The following PCDHGA4 variants were observed in gnomAD, a reference collection of about 807,000 sequenced individuals.
PCDHGA4 encodes the protein protocadherin gamma-A4.
Under a neutral mutation model 54.6 loss-of-function variants are expected in PCDHGA4, and 38 were observed. The observed-to-expected ratio is 0.70, with a 90% CI of 0.54 to 0.91. The LOEUF (loss-of-function observed/expected upper bound fraction) is 0.91, where lower values mean the gene tolerates loss of function less well. PCDHGA4 is among the 40% of genes least tolerant of loss of function. The probability of loss-of-function intolerance (pLI) is 0.00; values close to 1 mark genes in which losing one functional copy is unlikely to be tolerated. For missense variants in PCDHGA4, 1,298 were observed against 1,220.9 expected (o/e 1.06, Z -0.94); for synonymous variants, 511 against 512.9 (o/e 1.00, Z 0.05).
chr5:141,414,404 T>A, intron 1 of PCDHGA4: 1 of 1,613,886 alleles, frequency 6.2e-7, no homozygotes, highest in Non-Finnish European at 8.5e-7. Context: ...AGATTGGTGA[T>A]ACACAGAGCC....
chr5:141,471,843 T>C (rs1471729261), intron 1 of PCDHGA4, among the ~76,000 whole-genome samples: 2 of 152,166 alleles, frequency 1.3e-5, no homozygotes, highest in Admixed American at 6.5e-5. Context: ...TTTAATAAAA[T>C]ATTCAGAAAA....
At chr5:141,413,406 G>A (rs2095636376) in intron 1 of PCDHGA4, 1 of 1,613,950 alleles carries the variant, frequency 6.2e-7, no homozygotes, top group Non-Finnish European at 8.5e-7. Context: ...GTAGGACGCA[G>A]CTTTTCTCTC....
At chr5:141,364,185 C>G (rs2149854630) in intron 1 of PCDHGA4, 1 of 992,250 alleles carries the variant, frequency 1.0e-6, no homozygotes, top group East Asian at 2.8e-5. Flanking sequence ...TCCCTCCATA[C>G]TAAACACACA....
rs73280911 is a variant in PCDHGA4, at chr5:141,446,356, A to C, written c.2515-48451A>C. Among the ~76,000 whole-genome samples the C allele has an allele frequency of 2.0e-5, 3 of 152,188 alleles. No individual in the cohort carries two copies. In the South Asian group the frequency reaches 6.2e-4, roughly 31 times the overall value. On this transcript the variant is annotated intron_variant, in intron 1 of 3. Transcript: ENST00000571252. ...ACTGGATGGACAAAGCTACCATTTGATGAGAATGGAAGACTAAAGAATGAT... is the reference window on the plus strand; with the variant it reads ...ACTGGATGGACAAAGCTACCATTTGCTGAGAATGGAAGACTAAAGAATGAT...
chr5:141,414,868 G>A (rs1346192710), intron 1 of PCDHGA4: 1 of 1,614,098 alleles, frequency 6.2e-7, no homozygotes, highest in African/African-American at 1.3e-5. Flanking sequence ...CAATGCGCCC[G>A]AGATCCTGTA....
Position 141,376,087 on chromosome 5 carries a change from C to G in PCDHGA4, c.2514+18466C>G, listed in dbSNP as rs1772268954. On this transcript the variant is annotated intron_variant, in intron 1 of 3. Coordinates refer to ENST00000571252, the MANE Select transcript of PCDHGA4 (RefSeq NM_018917.4). The stretch of plus-strand genomic sequence containing the variant: ...TCACCGTGGCCGTGGCCGACAGGAT[C>G]CCCGACATCCTGGCCGACCTGGGCA... 1 of 1,613,538 alleles carries G rather than the reference C, an allele frequency of 6.2e-7. No individual in the cohort carries two copies. The highest frequency in any genetic ancestry group is 8.5e-7 in the Non-Finnish European group (1 of 1,179,934).
chr5:141,409,171 C>G, intron 1 of PCDHGA4: 1 of 1,613,962 alleles, frequency 6.2e-7, no homozygotes, highest in South Asian at 1.1e-5. Flanking sequence ...AAGCGAAGGA[C>G]GGAGGTGGTC....
intron 1 of PCDHGA4, among the ~76,000 whole-genome samples, chr5:141,469,375 G>C (rs942714664): frequency 2.0e-5 from 3 of 152,076 alleles, no homozygotes; most frequent in African/African-American, 7.2e-5. Flanking sequence ...AAGAGATCGA[G>C]ACCATCCTGG....
chr5:141,482,109 C>G (rs972542276), intron 1 of PCDHGA4, among the ~76,000 whole-genome samples: 2 of 149,582 alleles, frequency 1.3e-5, no homozygotes, highest in African/African-American at 2.5e-5. Context: ...AAAAAAATAT[C>G]TAGAGATGGG....
At chr5:141,505,852 G>A (rs2099848673) in intron 3 of PCDHGA4, among the ~76,000 whole-genome samples, 1 of 152,140 alleles carries the variant, frequency 6.6e-6, no homozygotes, top group African/African-American at 2.4e-5. Context: ...TAGAAAGTGG[G>A]GACAGGGACC....
intron 1 of PCDHGA4, among the ~76,000 whole-genome samples, chr5:141,459,724 T>C (rs1440632046): frequency 6.6e-6 from 1 of 152,250 alleles, no homozygotes; most frequent in Non-Finnish European, 1.5e-5. Context: ...TGCTTCCTAT[T>C]GTCAATTTTT....
Position 141,489,195 on chromosome 5 carries a change from A to G in PCDHGA4, c.2515-5612A>G, listed in dbSNP as rs200660227. ...ATTCCAAGCCCTGGGTCTACCTTGG[A>G]GACAGGACAGCACAGACTTACTCTC... is the stretch of plus-strand genomic sequence containing the variant. On this transcript the variant is annotated intron_variant, in intron 1 of 3. Transcript: ENST00000571252. This position sits in a 1 kb window ranked among gnomAD's most constrained non-coding sequence, Gnocchi z 4.5. 1.8e-5 allele frequency: 25 copies of G among 1,383,116 alleles called. No individual in the cohort carries two copies. The East Asian group carries it at 4.8e-4, about 27-fold the overall frequency. 85.7% of individuals were successfully genotyped at this position (1,383,116 alleles called of 1,614,324 possible). A position where few individuals can be genotyped will look rare whatever the true frequency, so the allele number is the denominator to read the frequency against.
At chr5:141,436,384 CT>C (rs768914860) in intron 1 of PCDHGA4, among the ~76,000 whole-genome samples, 1 of 152,104 alleles carries the variant, frequency 6.6e-6, no homozygotes, top group Non-Finnish European at 1.5e-5. Context: ...GCTGAATAGG[CT>C]TTATTAAATA....
At chr5:141,365,599 C>T (rs368039042) in intron 1 of PCDHGA4, 3 of 1,613,520 alleles carry the variant, frequency 1.9e-6, no homozygotes, top group Admixed American at 1.7e-5. Flanking sequence ...TCACTTTAAC[C>T]GTCATGGACC....
rs761468303 is a variant in PCDHGA4 at position 141,421,659 on chromosome 5, T to C, written c.2514+64038T>C. 4 of 1,613,700 alleles carry C rather than the reference T, an allele frequency of 2.5e-6. No individual in the cohort carries two copies. The Admixed American group carries it at 6.7e-5, about 27-fold the overall frequency. On this transcript the variant is annotated intron_variant, in intron 1 of 3. Transcript: ENST00000571252. ...AGGACGAAGTGGAGATAAAAGTCAG[T>C]GAGCACGCAATTCCTGGGGCGCGAT...
chr5:141,390,164 G>A (rs370376667), intron 1 of PCDHGA4: 200 of 1,613,888 alleles, frequency 1.2e-4, no homozygotes, highest in Non-Finnish European at 1.6e-4. Context: ...CAGGAAAGAC[G>A]GAGTTTAATT....
intron 1 of PCDHGA4, chr5:141,385,892 G>A (rs544548013): frequency 1.3e-5 from 2 of 152,934 alleles, no homozygotes; most frequent in South Asian, 2.1e-4. Context: ...AGAATGAAAT[G>A]TGTGTGTATC....
intron 3 of PCDHGA4, chr5:141,508,128 T>C (rs1490298338): frequency 6.6e-6 from 1 of 151,706 alleles, no homozygotes; most frequent in African/African-American, 2.4e-5. Context: ...CAGAGGGAGG[T>C]CAGGGAGCTG....
intron 1 of PCDHGA4, chr5:141,391,114 A>G (rs2092301730): frequency 6.6e-6 from 1 of 152,176 alleles, no homozygotes; most frequent in African/African-American, 2.4e-5. Context: ...TAATATAGCT[A>G]GAGGTCTTCT....
Sources: gnomAD v4.1 joint callset for allele counts (sites outside exome capture counted in the v4.1 genomes callset) on GRCh38, gnomAD v4.1.1 for gene constraint, Gnocchi (gnomAD v3.1) non-coding constraint, MANE v1.5 for transcripts, NCBI Gene and HGNC (gene_info 2026-07-23, HGNC 2026-07-21) for gene names.